GLRA1: variants seen among roughly 807,000 people sequenced by gnomAD.
The protein encoded by GLRA1 is glycine receptor subunit alpha-1.
GLRA1 carries 37 observed loss-of-function variants against 48.3 expected under a neutral mutation model. The ratio of observed to expected loss-of-function variants is 0.77; its 90% CI spans 0.59 to 1.01. The LOEUF is 1.01. Ranked by LOEUF, GLRA1 falls within the 50% of genes least tolerant of loss-of-function variation. The probability of loss-of-function intolerance (pLI) is 0.00; values close to 1 mark genes in which losing one functional copy is unlikely to be tolerated. For synonymous variants in GLRA1, 196 were observed against 210.7 expected (o/e 0.93, Z 0.60); for missense variants, 427 against 571.0 (o/e 0.75, Z 2.57).
rs1341831236 is a variant in GLRA1, at chr5:151,886,769, G to C, written c.204C>G (p.Ser68Arg). 1.2e-6 allele frequency: 2 copies of C among 1,613,434 alleles called. No individual in the cohort carries two copies. Among genetic ancestry groups the C allele is most frequent in the East Asian group, 4.5e-5 (2 of 44,884 alleles). Residue 68 changes from serine (S) to arginine (R), a missense_variant, in exon 3 of 9, where the codon AGC (serine) becomes AGG (arginine). Transcript: ENST00000274576. The part of the protein sequence containing the change: ...PNFKGPPVNV[S>R]CNIFINSFGS... ...CAAAGCTGTTGATGAAAATGTTGCAGCTCACGTTCACTGGGGGACCTGCCA... is the reference window on the plus strand; with the variant it reads ...CAAAGCTGTTGATGAAAATGTTGCACCTCACGTTCACTGGGGGACCTGCCA...
intron 3 of GLRA1, among the ~76,000 whole-genome samples, chr5:151,865,051 A>G (rs921775481): frequency 6.6e-6 from 1 of 152,232 alleles, no homozygotes. Context: ...AAGTTAGGCT[A>G]GATGGTCTCT....
rs1419796016 is a variant in GLRA1 at position 151,900,048 on chromosome 5, CCATATACTCTGT to C, written c.57-7622_57-7611del. ...AAGGAAGTCTGGTCCTCTAGGGATCCCATATACTCTGTAGCATCAGTTTCCATGTTTTCCTCT... is the reference window on the plus strand; with the variant it reads ...AAGGAAGTCTGGTCCTCTAGGGATCCAGCATCAGTTTCCATGTTTTCCTCT... On this transcript the variant is annotated intron_variant, in intron 1 of 8. Coordinates refer to ENST00000274576, the MANE Select transcript of GLRA1 (RefSeq NM_000171.4). Among the ~76,000 whole-genome samples the C allele has an allele frequency of 8.5e-5, 13 of 152,242 alleles. No homozygotes were observed. In the East Asian group the frequency reaches 1.9e-3, roughly 23 times the overall value.
chr5:151,894,875 G>C (rs562208875), intron 1 of GLRA1, among the ~76,000 whole-genome samples: 1 of 152,164 alleles, frequency 6.6e-6, no homozygotes, highest in Non-Finnish European at 1.5e-5. Flanking sequence ...GTATTGCTTT[G>C]AAGATTCGGA....
intron 3 of GLRA1, among the ~76,000 whole-genome samples, chr5:151,878,127 G>T (rs982256026): frequency 3.3e-5 from 5 of 152,192 alleles, no homozygotes; most frequent in Admixed American, 1.3e-4. Flanking sequence ...TAGCAATATG[G>T]ACAATAAAAT....
intron 7 of GLRA1, among the ~76,000 whole-genome samples, chr5:151,830,559 A>G (rs1170774121): frequency 6.6e-6 from 1 of 152,182 alleles, no homozygotes; most frequent in African/African-American, 2.4e-5. Context: ...AGCAAGCAGG[A>G]AGTGGAGCCT....
At chr5:151,840,318 T>C (rs1763684222) in intron 7 of GLRA1, among the ~76,000 whole-genome samples, 1 of 152,036 alleles carries the variant, frequency 6.6e-6, no homozygotes, top group African/African-American at 2.4e-5. Flanking sequence ...AGGCTGGTCT[T>C]GGACTACTGA....
chr5:151,890,920 G>A (rs561195310), intron 2 of GLRA1, among the ~76,000 whole-genome samples: 1 of 151,986 alleles, frequency 6.6e-6, no homozygotes, highest in African/African-American at 2.4e-5. Flanking sequence ...GGTAAATGGG[G>A]AGAGTGGGCC....
chr5:151,861,790 CA>C (rs1033785910), intron 3 of GLRA1, among the ~76,000 whole-genome samples: 2 of 152,144 alleles, frequency 1.3e-5, no homozygotes, highest in Non-Finnish European at 2.9e-5. Context: ...AGGACACAAA[CA>C]AATGGAAGAA....
chr5:151,903,876 T>C (rs1365122701), intron 1 of GLRA1, among the ~76,000 whole-genome samples: 3 of 152,166 alleles, frequency 2.0e-5, no homozygotes, highest in Admixed American at 2.0e-4. Flanking sequence ...CTTGGGGAGA[T>C]TGACTGACTT....
chr5:151,851,333 A>T (rs1752903152), intron 7 of GLRA1, 57 bp downstream of exon 7: 1 of 1,109,626 alleles, frequency 9.0e-7, no homozygotes, highest in African/African-American at 1.5e-5. Context: ...AGAGCAAGGA[A>T]GTAGGTGCTG....
chr5:151,871,127 G>C (rs1177722282), intron 3 of GLRA1, among the ~76,000 whole-genome samples: 1 of 149,376 alleles, frequency 6.7e-6, no homozygotes, highest in Non-Finnish European at 1.5e-5. Context: ...GCTTGTGATA[G>C]ACTCTAATGG....
chr5:151,898,629 C>A (rs1448583694), intron 1 of GLRA1, among the ~76,000 whole-genome samples: 1 of 151,858 alleles, frequency 6.6e-6, no homozygotes, highest in Non-Finnish European at 1.5e-5. Flanking sequence ...GGAGGAAAGA[C>A]AAGGAGGGGG....
Position 151,822,865 on chromosome 5 carries a change from G to T in GLRA1, c.1158C>A (p.Asn386Lys), listed in dbSNP as rs776916010. The T allele has an allele frequency of 3.7e-6, 6 of 1,614,032 alleles. No homozygotes were observed. The African/African-American group carries it at 6.7e-5, about 18-fold the overall frequency. The change falls in exon 9 of 9, where the codon AAC (asparagine) becomes AAA (lysine). Residue 386 changes from asparagine (N) to lysine (K), a missense_variant. Around this residue, in one of 4 missense-constraint regions of GLRA1, gnomAD observed 121 missense variants for 96.5 expected, o/e 1.25. Transcript: ENST00000274576. ...AKDGISVKGA[N>K]NSNTTNPPPA... ...GAGGGGGGTTGGTGGTGTTACTGTT[G>T]TTGGCGCCCTTGACTGAGATGCCAT...
chr5:151,849,104 TTTTC>T (rs201652614), intron 7 of GLRA1: 2,372 of 116,958 alleles, frequency 0.02, 80 homozygotes, highest in South Asian at 0.045. Flanking sequence ...ATTTCTTTTC[TTTTC>T]TTTCTTTCTT....
intron 1 of GLRA1, among the ~76,000 whole-genome samples, chr5:151,920,271 A>T (rs1754842005): frequency 6.6e-6 from 1 of 152,136 alleles, no homozygotes; most frequent in South Asian, 2.1e-4. Context: ...ATTTGAGTTG[A>T]TTGGTAAGAA....
intron 3 of GLRA1, among the ~76,000 whole-genome samples, chr5:151,870,442 T>C (rs1025895451): frequency 2.0e-5 from 3 of 149,834 alleles, no homozygotes; most frequent in Admixed American, 6.6e-5. Context: ...GAGATGAATA[T>C]GCAATGGAGG....
chr5:151,904,845 G>C (rs927355757), intron 1 of GLRA1, among the ~76,000 whole-genome samples: 1 of 152,172 alleles, frequency 6.6e-6, no homozygotes, highest in African/African-American at 2.4e-5. Flanking sequence ...GGCAGATCTA[G>C]GCTTTGTGAT....
chr5:151,890,091 G>A (rs998019644), intron 2 of GLRA1, among the ~76,000 whole-genome samples: 7 of 152,146 alleles, frequency 4.6e-5, no homozygotes, highest in Non-Finnish European at 8.8e-5. Context: ...TGCTGAGTAA[G>A]TAAATAAATA....
intron 1 of GLRA1, among the ~76,000 whole-genome samples, chr5:151,896,522 A>C (rs558337864): frequency 2.0e-5 from 3 of 152,348 alleles, no homozygotes; most frequent in Admixed American, 2.0e-4. Context: ...CTGTATATAC[A>C]CTGCTCTGAA....
Sources: gnomAD v4.1 joint callset for allele counts (sites outside exome capture counted in the v4.1 genomes callset) on GRCh38, gnomAD v4.1.1 for gene constraint, gnomAD v4.1.1 regional missense constraint, MANE v1.5 for transcripts, NCBI Gene and HGNC (gene_info 2026-07-23, HGNC 2026-07-21) for gene names.